The following TXNL4A variants were observed in gnomAD, a reference collection of about 807,000 sequenced individuals.
The protein encoded by TXNL4A is thioredoxin-like protein 4A.
A neutral mutation model predicts 14.6 loss-of-function variants in TXNL4A; 17 were observed. The ratio of observed to expected loss-of-function variants is 1.16; its 90% CI spans 0.80 to 1.74. TXNL4A has a LOEUF of 1.74. Among genes scored for constraint, TXNL4A ranks in the 40% most tolerant of loss-of-function variants. The pLI is 0.00. For synonymous variants in TXNL4A, 83 were observed against 70.6 expected (o/e 1.18, Z -0.88); for missense variants, 74 against 195.2 (o/e 0.38, Z 3.70).
In TXNL4A at chr18:80,002,501, G is replaced by A. The variant is rs886855594; in HGVS notation, c.-60-24800C>T. Among the ~76,000 whole-genome samples, 15 of 152,152 alleles carry A rather than the reference G, an allele frequency of 9.9e-5. 1 individual carries two copies. The highest frequency in any genetic ancestry group is 6.5e-5 in the Admixed American group (1 of 15,270). ...AGTCCAAACTCATGTAGAAAAGGCC[G>A]TGTCCCTCAAGGCTTTCATTGTCAC... On this transcript the variant is annotated intron_variant, in intron 1 of 2. Coordinates refer to the TXNL4A transcript ENST00000585474.
chr18:80,020,349 TGAG>T (rs1160585596), intron 1 of TXNL4A, among the ~76,000 whole-genome samples: 1 of 152,238 alleles, frequency 6.6e-6, no homozygotes, highest in African/African-American at 2.4e-5. Flanking sequence ...GCTTGATATT[TGAG>T]GAGGTGATTA....
chr18:79,991,309 A>G (rs768863754), upstream of TXNL4A, among the ~76,000 whole-genome samples: 8 of 152,078 alleles, frequency 5.3e-5, no homozygotes, highest in Non-Finnish European at 4.4e-5. Context: ...GCCCCTGGCA[A>G]TCACTAATCT....
chr18:80,023,761 A>G (rs1441344176), intron 1 of TXNL4A, among the ~76,000 whole-genome samples: 1 of 152,192 alleles, frequency 6.6e-6, no homozygotes, highest in Non-Finnish European at 1.5e-5. Context: ...TTACAAAAAC[A>G]ATAACTTTTT....
chr18:79,988,075 G>C (rs1031386751), intron 1 of TXNL4A, among the ~76,000 whole-genome samples, 165 bp downstream of exon 1: 4 of 152,276 alleles, frequency 2.6e-5, no homozygotes, highest in Non-Finnish European at 4.4e-5. Flanking sequence ...CGCCGGCACA[G>C]TCCCCGAGAG....
chr18:80,030,769 C>T (rs1482291789), intron 1 of TXNL4A, among the ~76,000 whole-genome samples: 1 of 152,050 alleles, frequency 6.6e-6, no homozygotes. Flanking sequence ...AGTTTCAGAC[C>T]AGGCCTGGTC....
chr18:80,031,163 T>A (rs776000490), intron 1 of TXNL4A, among the ~76,000 whole-genome samples: 2 of 152,218 alleles, frequency 1.3e-5, no homozygotes, highest in Non-Finnish European at 2.9e-5. Context: ...GTTCACCCCT[T>A]CGTTTGGCCA....
Position 80,006,829 on chromosome 18 carries a change from G to A in TXNL4A, c.-61+27022C>T, listed in dbSNP as rs891342397. 5.9e-5 allele frequency among the ~76,000 whole-genome samples: 9 copies of A among 152,344 alleles called. No homozygotes were observed. In the East Asian group the frequency reaches 1.7e-3, roughly 29 times the overall value. On this transcript the variant is annotated intron_variant, in intron 1 of 2. Transcript: ENST00000585474. ...TGTCTGATTTACATAGGGCACAGAG[G>A]ATTGGTTGGACCAGGTGTGCCATTT...
chr18:80,026,320 TG>T (rs1568383086), intron 1 of TXNL4A, among the ~76,000 whole-genome samples: 1 of 152,208 alleles, frequency 6.6e-6, no homozygotes, highest in Non-Finnish European at 1.5e-5. Context: ...TCTCTAGGTC[TG>T]AGAACCCTTC....
At chr18:80,022,128 A>G (rs2145126012) in intron 1 of TXNL4A, among the ~76,000 whole-genome samples, 1 of 152,134 alleles carries the variant, frequency 6.6e-6, no homozygotes, top group East Asian at 1.9e-4. Flanking sequence ...GTCCCCCTTT[A>G]TTTGTTTAAG....
Position 80,011,983 on chromosome 18 carries a change from C to T in TXNL4A, c.-61+21868G>A, listed in dbSNP as rs3865386. Among the ~76,000 whole-genome samples the T allele has an allele frequency of 6.6e-6, 1 of 151,958 alleles. No individual in the cohort carries two copies. Among genetic ancestry groups the T allele is most frequent in the Non-Finnish European group, 1.5e-5 (1 of 68,012 alleles). The stretch of plus-strand genomic sequence containing the variant: ...ATCCTTTTCCTCATCCCTTCCTCCC[C>T]CTCCCATCTGCCCTAAGAACAAAGA... On this transcript the variant is annotated intron_variant, in intron 1 of 2. Coordinates refer to the TXNL4A transcript ENST00000585474. The surrounding 1 kb of genome is among the most constrained non-coding windows in gnomAD (Gnocchi z 4.1).
At chr18:80,005,169 T>G (rs1212961774) in intron 1 of TXNL4A, among the ~76,000 whole-genome samples, 1 of 152,188 alleles carries the variant, frequency 6.6e-6, no homozygotes, top group Non-Finnish European at 1.5e-5. Context: ...GGGAACAGCA[T>G]GCAGAGGGAA....
At chr18:79,989,546 A>T (rs1221233247), upstream of TXNL4A, among the ~76,000 whole-genome samples, 1 of 152,214 alleles carries the variant, frequency 6.6e-6, no homozygotes, top group African/African-American at 2.4e-5. Flanking sequence ...AAATAAGTTA[A>T]TATTTCTCTT....
chr18:80,022,306 G>T (rs1317338107), intron 1 of TXNL4A, among the ~76,000 whole-genome samples: 1 of 152,140 alleles, frequency 6.6e-6, no homozygotes, highest in Non-Finnish European at 1.5e-5. Context: ...GGTTCCCCAA[G>T]GGTTTTTTTC....
At chr18:79,983,727 T>C (rs2051499339) in intron 1 of TXNL4A, among the ~76,000 whole-genome samples, 1 of 152,216 alleles carries the variant, frequency 6.6e-6, no homozygotes, top group Non-Finnish European at 1.5e-5. Context: ...ACTTGCAAAC[T>C]TAGTAATGTG....
chr18:80,017,013 T>C (rs1184630933), intron 1 of TXNL4A, among the ~76,000 whole-genome samples: 9 of 151,808 alleles, frequency 5.9e-5, no homozygotes, highest in African/African-American at 1.9e-4. Context: ...GTTCTTCCAT[T>C]TGTTTGTATC....
intron 1 of TXNL4A, among the ~76,000 whole-genome samples, chr18:79,996,171 A>G (rs2051661333): frequency 6.6e-6 from 1 of 151,828 alleles, no homozygotes; most frequent in Admixed American, 6.6e-5. Context: ...CTGAAATGAA[A>G]GAAAAGACAA....
intron 1 of TXNL4A, among the ~76,000 whole-genome samples, chr18:80,012,915 C>G (rs921695281): frequency 6.6e-6 from 1 of 151,780 alleles, no homozygotes; most frequent in African/African-American, 2.4e-5. Context: ...GGCGGCCGGC[C>G]GCCCCCTCGC....
rs190056928 is a variant in TXNL4A at position 79,998,853 on chromosome 18, A to G, written c.-60-21152T>C. Among the ~76,000 whole-genome samples the G allele has an allele frequency of 1.3e-3, 196 of 152,170 alleles. 1 individual carries two copies. The highest frequency in any genetic ancestry group is 4.6e-3 in the African/African-American group (191 of 41,494). ...ACTCTCTTGTCAGGCCCTTCTGACA[A>G]GACCCCTCATGACTGTGTTCTGATG... On this transcript the variant is annotated intron_variant, in intron 1 of 2. Coordinates refer to the TXNL4A transcript ENST00000585474.
chr18:80,001,953 G>A (rs2051701031), intron 1 of TXNL4A, among the ~76,000 whole-genome samples: 1 of 152,182 alleles, frequency 6.6e-6, no homozygotes, highest in African/African-American at 2.4e-5. Context: ...AGATTTGGGA[G>A]GGGCCAGGGA....
Sources: allele counts gnomAD v4.1 joint callset (sites outside exome capture counted in the v4.1 genomes callset), GRCh38; gene constraint gnomAD v4.1.1; non-coding constraint Gnocchi (gnomAD v3.1); transcripts MANE v1.5; gene names NCBI Gene and HGNC (gene_info 2026-07-23, HGNC 2026-07-21).